RSPO2: variants seen among roughly 807,000 people sequenced by gnomAD.
The protein encoded by RSPO2 is R-spondin-2.
RSPO2 carries 14 observed loss-of-function variants against 30.9 expected under a neutral mutation model. The observed-to-expected ratio is 0.45, with a 90% CI of 0.30 to 0.71. The LOEUF (loss-of-function observed/expected upper bound fraction) is 0.71, where lower values mean the gene tolerates loss of function less well. Among genes scored for constraint, RSPO2 ranks in the 30% least tolerant of loss-of-function variants. The pLI is 0.08. For synonymous variants in RSPO2, 107 were observed against 96.4 expected, an observed-to-expected ratio of 1.11 and a Z score of -0.64; for missense variants, 264 against 301.9, an observed-to-expected ratio of 0.87 and a Z score of 0.93.
chr8:108,029,009 G>A (rs1295972346), intron 2 of RSPO2, among the ~76,000 whole-genome samples: 1 of 133,414 alleles, frequency 7.5e-6, no homozygotes, highest in Admixed American at 8.3e-5. Flanking sequence ...TCTAGTGCTG[G>A]TACTTACTAG....
At chr8:108,056,798 G>A (rs1409713515) in intron 2 of RSPO2, among the ~76,000 whole-genome samples, 2 of 151,538 alleles carry the variant, frequency 1.3e-5, no homozygotes, top group East Asian at 1.9e-4. Flanking sequence ...GCTCAAGCCT[G>A]TAATCCTAGC....
At chr8:107,902,648 AGAAAGGATCT>A (rs1042545466) in intron 5 of RSPO2, among the ~76,000 whole-genome samples, 1 of 152,124 alleles carries the variant, frequency 6.6e-6, no homozygotes, top group Non-Finnish European at 1.5e-5. Context: ...CTTTCTGATC[AGAAAGGATCT>A]GTTTTAAGGA....
chr8:108,040,624 A>G (rs1001095955), intron 2 of RSPO2, among the ~76,000 whole-genome samples: 1 of 152,212 alleles, frequency 6.6e-6, no homozygotes. Flanking sequence ...AATCTGAGCA[A>G]GAGAACAACA....
chr8:107,985,183 G>T (rs928140082), intron 3 of RSPO2, among the ~76,000 whole-genome samples: 7 of 152,104 alleles, frequency 4.6e-5, no homozygotes, highest in Admixed American at 2.0e-4. Flanking sequence ...CCAGAGAGAT[G>T]CAAGTGAAAA....
intron 2 of RSPO2, among the ~76,000 whole-genome samples, chr8:108,018,214 C>T (rs901712220): frequency 5.9e-5 from 9 of 152,052 alleles, no homozygotes; most frequent in African/African-American, 2.2e-4. Context: ...CTAAGGTGAG[C>T]CCTTTTGGGG....
chr8:107,968,822 A>G (rs886403312), intron 3 of RSPO2, among the ~76,000 whole-genome samples: 3 of 152,092 alleles, frequency 2.0e-5, no homozygotes, highest in African/African-American at 7.2e-5. Flanking sequence ...CATGGAAAAA[A>G]TAGATATAAT....
chr8:108,011,268 T>C (rs2514831), intron 2 of RSPO2, among the ~76,000 whole-genome samples: 43,503 of 151,640 alleles, frequency 0.29, 6,523 homozygotes, highest in African/African-American at 0.39. Context: ...GTAAAGTGAC[T>C]TGGTTGTGCC....
intron 5 of RSPO2, among the ~76,000 whole-genome samples, chr8:107,922,736 T>C (rs955517754): frequency 5.3e-5 from 8 of 152,050 alleles, no homozygotes; most frequent in African/African-American, 1.9e-4. Context: ...ATGGTACTGG[T>C]ACAAAAACAT....
intron 2 of RSPO2, among the ~76,000 whole-genome samples, chr8:108,014,939 C>T (rs1810835845): frequency 6.6e-6 from 1 of 151,050 alleles, no homozygotes; most frequent in Non-Finnish European, 1.5e-5. Flanking sequence ...GAAAAGCATG[C>T]AAATGTGAAA....
At chr8:107,984,479 A>G (rs1814559960) in intron 3 of RSPO2, among the ~76,000 whole-genome samples, 1 of 152,222 alleles carries the variant, frequency 6.6e-6, no homozygotes, top group African/African-American at 2.4e-5. Context: ...ATGAAACTAT[A>G]TGTGCCACAC....
intron 3 of RSPO2, among the ~76,000 whole-genome samples, chr8:107,988,160 T>C (rs1022687060): frequency 1.3e-5 from 2 of 152,042 alleles, no homozygotes; most frequent in African/African-American, 2.4e-5. Context: ...AGATGAAAAA[T>C]TGCACCCTCA....
intron 2 of RSPO2, among the ~76,000 whole-genome samples, chr8:108,044,524 C>A (rs987389864): frequency 6.6e-6 from 1 of 152,098 alleles, no homozygotes; most frequent in Non-Finnish European, 1.5e-5. Flanking sequence ...CGTCCATATT[C>A]CTGCAAAGGA....
chr8:108,063,899 G>C (rs1286938489), intron 2 of RSPO2, among the ~76,000 whole-genome samples: 1 of 152,152 alleles, frequency 6.6e-6, no homozygotes, highest in Non-Finnish European at 1.5e-5. Flanking sequence ...TCTGATCTTT[G>C]ATAAACCTGA....
chr8:108,014,702 G>A (rs1167941519), intron 2 of RSPO2, among the ~76,000 whole-genome samples: 1 of 152,058 alleles, frequency 6.6e-6, no homozygotes, highest in Non-Finnish European at 1.5e-5. Flanking sequence ...CAGGTGGTGG[G>A]GGGGCTAGGG....
chr8:107,958,979 G>A (rs1813531561), intron 4 of RSPO2, among the ~76,000 whole-genome samples: 1 of 152,106 alleles, frequency 6.6e-6, no homozygotes, highest in Non-Finnish European at 1.5e-5. Context: ...CCATGTCTTT[G>A]CTATTATGAA....
At chr8:107,940,716 A>G (rs1461259588) in intron 5 of RSPO2, among the ~76,000 whole-genome samples, 2 of 152,216 alleles carry the variant, frequency 1.3e-5, no homozygotes, top group African/African-American at 4.8e-5. Flanking sequence ...TTGGAAAGCT[A>G]AAGAACCCCT....
At chr8:107,981,878 T>A (rs907466002) in intron 3 of RSPO2, among the ~76,000 whole-genome samples, 5 of 151,408 alleles carry the variant, frequency 3.3e-5, no homozygotes, top group African/African-American at 1.2e-4. Flanking sequence ...ATACATTTTT[T>A]AAAAAATTAG....
chr8:107,939,924 G>A (rs996945556), intron 5 of RSPO2, among the ~76,000 whole-genome samples: 4 of 151,956 alleles, frequency 2.6e-5, no homozygotes, highest in Non-Finnish European at 5.9e-5. Flanking sequence ...TATCATCTTT[G>A]AACCAGAGGT....
chr8:107,973,320 T>C (rs1201598280), intron 3 of RSPO2, among the ~76,000 whole-genome samples: 1 of 152,018 alleles, frequency 6.6e-6, no homozygotes, highest in African/African-American at 2.4e-5. Flanking sequence ...ATTTTTCTAA[T>C]ATTTGCATTT....
Sources: gnomAD v4.1 joint callset for allele counts (sites outside exome capture counted in the v4.1 genomes callset) on GRCh38, gnomAD v4.1.1 for gene constraint, MANE v1.5 for transcripts, NCBI Gene and HGNC (gene_info 2026-07-23, HGNC 2026-07-21) for gene names.